Variants in TULP1 observed in about 807,000 individuals in gnomAD.
TULP1 encodes tubby-related protein 1.
Under a neutral mutation model 67.1 loss-of-function variants are expected in TULP1, and 50 were observed. The observed-to-expected ratio is 0.75, with a 90% CI of 0.59 to 0.94. The LOEUF (loss-of-function observed/expected upper bound fraction) is 0.94. Among genes scored for constraint, TULP1 ranks in the 40% least tolerant of loss-of-function variants. The pLI, the probability that TULP1 is intolerant of heterozygous loss-of-function variation, is 0.00. For synonymous variants in TULP1, 297 were observed against 294.0 expected, an observed-to-expected ratio of 1.01 and a Z score of -0.11; for missense variants, 746 against 734.1, an observed-to-expected ratio of 1.02 and a Z score of -0.19.
At chr6:35,500,490 G>A (rs1236538570) in intron 13 of TULP1, among the ~76,000 whole-genome samples, 1 of 152,164 alleles carries the variant, frequency 6.6e-6, no homozygotes, top group Non-Finnish European at 1.5e-5. Context: ...GCCAATCTTG[G>A]ACCTGCAAAG....
chr6:35,512,481 C>G (rs948505770), intron 2 of TULP1, among the ~76,000 whole-genome samples, 158 bp downstream of exon 2: 13 of 152,090 alleles, frequency 8.5e-5, no homozygotes, highest in African/African-American at 3.1e-4. Context: ...CTGGAAACCC[C>G]AAGTCCCCAA....
intron 4 of TULP1, 101 bp from the exon 5 acceptor site, chr6:35,511,111 G>A: frequency 6.4e-7 from 1 of 1,566,432 alleles, no homozygotes; most frequent in South Asian, 1.2e-5. Context: ...ATGGGCACCA[G>A]AAGGGGAGCC....
chr6:35,512,376 CG>C, intron 2 of TULP1, 106 bp from the exon 3 acceptor site: 4 of 696,620 alleles, frequency 5.7e-6, no homozygotes, highest in East Asian at 2.8e-5. Flanking sequence ...GCAGATTATC[CG>C]GGGGGAACTG....
chr6:35,502,927 T>TTTTTG (rs541387029), intron 13 of TULP1, among the ~76,000 whole-genome samples: 2 of 151,878 alleles, frequency 1.3e-5, no homozygotes, highest in South Asian at 2.1e-4. Context: ...AGCTTTGGTT[T>TTTTTG]TTTTGTTTTG....
At chr6:35,500,678 T>C (rs1768821072) in intron 13 of TULP1, among the ~76,000 whole-genome samples, 1 of 152,178 alleles carries the variant, frequency 6.6e-6, no homozygotes, top group East Asian at 1.9e-4. Flanking sequence ...CCACTCAAGA[T>C]CACCTCCAAG....
At chr6:35,504,322 G>T (rs1320645419) in intron 11 of TULP1, among the ~76,000 whole-genome samples, 1 of 152,016 alleles carries the variant, frequency 6.6e-6, no homozygotes, top group Non-Finnish European at 1.5e-5. Flanking sequence ...TCCAGCCTGG[G>T]CGACAGAGTA....
Position 35,498,170 on chromosome 6 carries a change from C to T in TULP1, c.*157G>A. On this transcript the variant is annotated 3_prime_UTR_variant, in exon 15 of 15. Transcript: ENST00000229771. This position sits in a 1 kb window ranked among gnomAD's most constrained non-coding sequence, Gnocchi z 6.7. ...TCCTCCTGCCTCGGCCTGTGCCAGG[C>T]TGGGGAGAGGACGGAGGTCACCGAG... 1 of 1,258,742 alleles carries T rather than the reference C, an allele frequency of 7.9e-7. No homozygotes were observed. The highest frequency in any genetic ancestry group is 1.1e-6 in the Non-Finnish European group (1 of 920,250). 78.0% of individuals were successfully genotyped at this position (1,258,742 alleles called of 1,614,324 possible).
rs773837553 is a variant in TULP1, at chr6:35,512,674, T to C, written c.64A>G (p.Ser22Gly). 6.2e-7 allele frequency: 1 copy of C among 1,614,034 alleles called. No homozygotes were observed. The highest frequency in any genetic ancestry group is 8.5e-7 in the Non-Finnish European group (1 of 1,180,004). Residue 22 changes from serine (S) to glycine (G), a missense_variant, in exon 2 of 15, where the codon AGC becomes GGC. By Grantham distance (56) the Ser-to-Gly change is moderately conservative. Around this residue, in one of 3 missense-constraint regions of TULP1, gnomAD observed 359 missense variants for 341.9 expected, o/e 1.05. Transcript: ENST00000229771. ...CGCCGCGGGGCCTCCGGGCTCAGGC[T>C]TTCTTCTTCATGCCCACTGAGGGTA... ...WASDSGHEEESLSPEAPRRPK... is the reference protein window; with the variant it reads ...WASDSGHEEEGLSPEAPRRPK...
chr6:35,511,175 TGACTGGCAGCCTTCA>T, intron 4 of TULP1, 165 bp from the exon 5 acceptor site: 1 of 1,461,752 alleles, frequency 6.8e-7, no homozygotes, highest in Non-Finnish European at 9.1e-7. Flanking sequence ...AGAATGAGGG[TGACTGGCAGCCTTCA>T]GGGTCTGCAA....
In TULP1 at chr6:35,509,763, A is replaced by T; in HGVS notation, c.602-13T>A. The T allele has an allele frequency of 6.2e-7, 1 of 1,613,756 alleles. No homozygotes were observed. Among genetic ancestry groups the T allele is most frequent in the Non-Finnish European group, 8.5e-7 (1 of 1,179,836 alleles). ...GCCTCCCCAGACCCTGCATGTGTGG[A>T]TGTGAAAGCGTCACAACCCCCACCG... On this transcript the variant is annotated splice_polypyrimidine_tract_variant and intron_variant, in intron 6 of 14. Transcript: ENST00000229771.
intron 7 of TULP1, 93 bp downstream of exon 7, chr6:35,509,541 C>G: frequency 7.5e-7 from 1 of 1,331,306 alleles, no homozygotes. Flanking sequence ...AACTCCTTAC[C>G]TAGCACTGTC....
At chr6:35,502,865 T>G (rs1048810438) in intron 13 of TULP1, among the ~76,000 whole-genome samples, 1 of 152,094 alleles carries the variant, frequency 6.6e-6, no homozygotes, top group African/African-American at 2.4e-5. Context: ...TTATCACGAT[T>G]ATTGTCTACT....
chr6:35,501,812 A>C (rs1374361183), intron 13 of TULP1, among the ~76,000 whole-genome samples: 1 of 152,156 alleles, frequency 6.6e-6, no homozygotes, highest in Non-Finnish European at 1.5e-5. Context: ...ACTCCGTCTC[A>C]AAACAAAAAC....
At chr6:35,509,583 C>A in intron 7 of TULP1, 51 bp downstream of exon 7, 1 of 1,575,008 alleles carries the variant, frequency 6.3e-7, no homozygotes, top group Non-Finnish European at 8.7e-7. Flanking sequence ...TAGCTCCCCG[C>A]CCCCAGGACC....
In TULP1 at chr6:35,512,104, C is replaced by A. The variant is rs1395926772; in HGVS notation, c.190+76G>T. ...CACCCCGTTCCAGGGCTCGGCGACA[C>A]CCGCGCCGGCCCTCAAGCCCCTCCC... On this transcript the variant is annotated intron_variant, in intron 3 of 14. Transcript: ENST00000229771. 3 of 963,748 alleles carry A rather than the reference C, an allele frequency of 3.1e-6. No individual in the cohort carries two copies. In the East Asian group the frequency reaches 8.9e-5, roughly 29 times the overall value. The allele number at this position is 963,748 out of a possible 1,614,324, so 59.7% of individuals were successfully genotyped here.
In TULP1 at chr6:35,498,341, G is replaced by A; in HGVS notation, c.1615C>T (p.Leu539=). 6.2e-7 allele frequency: 1 copy of A among 1,612,570 alleles called. No homozygotes were observed. Among genetic ancestry groups the A allele is most frequent in the Non-Finnish European group, 8.5e-7 (1 of 1,179,506 alleles). ...GGCTGCTGGGGTCACTCGCAGGCCA[G>A]CTTCCCGTCGAAACTGGAGAGGGCG... The part of the protein sequence containing the change: ...AIALSSFDGK[L]ACE Residue 539 remains leucine (L), a synonymous_variant, in exon 15 of 15, where the codon CTG becomes TTG. Transcript: ENST00000229771. This position sits in a 1 kb window ranked among gnomAD's most constrained non-coding sequence, Gnocchi z 6.7.
chr6:35,508,655 C>A (rs1761127632), intron 8 of TULP1, among the ~76,000 whole-genome samples: 1 of 152,166 alleles, frequency 6.6e-6, no homozygotes, highest in African/African-American at 2.4e-5. Context: ...AAATATTTAA[C>A]AACCTGTTCG....
At position 35,503,721 on chromosome 6, in the gene TULP1, C is replaced by T; in HGVS notation, c.1224+16G>A. The T allele has an allele frequency of 6.2e-7, 1 of 1,609,694 alleles. No individual in the cohort carries two copies. Among genetic ancestry groups the T allele is most frequent in the Non-Finnish European group, 8.5e-7 (1 of 1,177,980 alleles). On this transcript the variant is annotated intron_variant, in intron 12 of 14. Coordinates refer to ENST00000229771, the MANE Select transcript of TULP1 (RefSeq NM_003322.6). The surrounding 1 kb of genome is among the most constrained non-coding windows in gnomAD (Gnocchi z 4.0). ...AAGGGGAGCAGCCTGGCATGGGGGA[C>T]AGGTGGAGTCCTCACATAGATCACA...
Position 35,509,319 on chromosome 6 carries a change from G to A in TULP1, c.719-7C>T, listed in dbSNP as rs373962196. Reference sequence around the variant, plus strand: ...CTCGCGCCTTTGGGAGTGCCTGAGCGTGGAGGGGGAAACAAGGCTGTGAAC... The same window carrying A: ...CTCGCGCCTTTGGGAGTGCCTGAGCATGGAGGGGGAAACAAGGCTGTGAAC... On this transcript the variant is annotated splice_region_variant and splice_polypyrimidine_tract_variant and intron_variant, in intron 7 of 14. Transcript: ENST00000229771. 53 of 1,613,492 alleles carry A rather than the reference G, an allele frequency of 3.3e-5. No homozygotes were observed. The highest frequency in any genetic ancestry group is 3.3e-4 in the Middle Eastern group (2 of 6,082).
Sources: allele counts gnomAD v4.1 joint callset (sites outside exome capture counted in the v4.1 genomes callset), GRCh38; gene constraint gnomAD v4.1.1; regional missense constraint gnomAD v4.1.1; non-coding constraint Gnocchi (gnomAD v3.1); transcripts MANE v1.5; gene names NCBI Gene and HGNC (gene_info 2026-07-23, HGNC 2026-07-21).